The following ZNF518A variants were observed in gnomAD, a reference collection of about 807,000 sequenced individuals.
ZNF518A encodes zinc finger protein 518.
A neutral mutation model predicts 102.7 loss-of-function variants in ZNF518A; 47 were observed. That is an observed-to-expected ratio of 0.46 (90% CI 0.36 to 0.58). The LOEUF (loss-of-function observed/expected upper bound fraction) is 0.58, where lower values mean the gene tolerates loss of function less well. Ranked by LOEUF, ZNF518A falls within the 20% of genes least tolerant of loss-of-function variation. ZNF518A has a pLI of 0.00. For synonymous variants in ZNF518A, 652 were observed against 594.6 expected, an observed-to-expected ratio of 1.10 and a Z score of -1.40; for missense variants, 1,793 against 1,699.8, an observed-to-expected ratio of 1.05 and a Z score of -0.96.
intron 1 of ZNF518A, among the ~76,000 whole-genome samples, chr10:96,187,492 C>A (rs1405910591): frequency 2.6e-5 from 4 of 152,208 alleles, no homozygotes; most frequent in Admixed American, 2.6e-4. Flanking sequence ...AAGACTATCC[C>A]AGCTACTACA....
intron 1 of ZNF518A, among the ~76,000 whole-genome samples, chr10:96,175,341 C>T (rs781852920): frequency 6.6e-6 from 1 of 152,224 alleles, no homozygotes; most frequent in African/African-American, 2.4e-5. Flanking sequence ...CCTTACATAC[C>T]CACAGGATGG....
chr10:96,191,022 T>C (rs925237803), intron 1 of ZNF518A, among the ~76,000 whole-genome samples: 1 of 152,160 alleles, frequency 6.6e-6, no homozygotes, highest in Non-Finnish European at 1.5e-5. Flanking sequence ...GGGAGGGACC[T>C]GGTGGGAGGT....
At chr10:96,180,147 TG>T (rs1221327305) in intron 1 of ZNF518A, among the ~76,000 whole-genome samples, 1 of 149,422 alleles carries the variant, frequency 6.7e-6, no homozygotes, top group Non-Finnish European at 1.5e-5. Context: ...CCCAAAATGC[TG>T]GGGTTACAGG....
intron 3 of ZNF518A, among the ~76,000 whole-genome samples, chr10:96,143,763 C>A (rs898929405): frequency 6.6e-6 from 1 of 152,122 alleles, no homozygotes; most frequent in Non-Finnish European, 1.5e-5. Context: ...CTTAGGAGAG[C>A]TGATGATTTT....
At chr10:96,188,901 A>C (rs1306719264) in intron 1 of ZNF518A, among the ~76,000 whole-genome samples, 2 of 152,126 alleles carry the variant, frequency 1.3e-5, no homozygotes, top group Non-Finnish European at 2.9e-5. Flanking sequence ...GCTCCCTCTA[A>C]AACCCGGAGG....
At chr10:96,187,448 G>A (rs781810273) in intron 1 of ZNF518A, among the ~76,000 whole-genome samples, 7 of 152,104 alleles carry the variant, frequency 4.6e-5, no homozygotes, top group African/African-American at 9.7e-5. Context: ...GCCTCACATC[G>A]CTGAATTCTG....
In ZNF518A at chr10:96,148,761, G is replaced by C. The variant is rs990045168; in HGVS notation, c.-301-6565G>C. 2.4e-4 allele frequency among the ~76,000 whole-genome samples: 36 copies of C among 152,210 alleles called. 1 individual carries two copies. Among genetic ancestry groups the C allele is most frequent in the Non-Finnish European group, 2.9e-5 (2 of 68,026 alleles). ...GACGGAGTCTCGCCCTGTCGCCCAGGCTGGAGTGCAGTGGCATGGTCTCGG... is the reference window on the plus strand; with the variant it reads ...GACGGAGTCTCGCCCTGTCGCCCAGCCTGGAGTGCAGTGGCATGGTCTCGG... On this transcript the variant is annotated intron_variant, in intron 3 of 5. Coordinates refer to ENST00000316045, the MANE Select transcript of ZNF518A (RefSeq NM_001330736.2).
chr10:96,177,577 TGGA>T (rs2083213120), intron 1 of ZNF518A, among the ~76,000 whole-genome samples: 1 of 152,000 alleles, frequency 6.6e-6, no homozygotes, highest in African/African-American at 2.4e-5. Flanking sequence ...GAAGGGGAAA[TGGA>T]GGAGTACTGT....
chr10:96,160,085 T>C lies in ZNF518A; in HGVS notation c.3763T>C (p.Phe1255Leu). Reference sequence around the variant, plus strand: ...TAGAAAAAAGACTTCCAAAAAAATTTTTTCAAAAACAAAAACTCATGGAAG... The same window carrying C: ...TAGAAAAAAGACTTCCAAAAAAATTCTTTCAAAAACAAAAACTCATGGAAG... The part of the protein sequence containing the change: ...FNRKKTSKKI[F>L]SKTKTHGSKD... The change falls in exon 6 of 6, where the codon TTT becomes CTT. Residue 1255 changes from phenylalanine (F) to leucine (L), a missense_variant. By Grantham distance (22) the Phe-to-Leu change is conservative. Transcript: ENST00000316045. 1.2e-6 allele frequency: 2 copies of C among 1,608,324 alleles called. No individual in the cohort carries two copies. The highest frequency in any genetic ancestry group is 1.7e-6 in the Non-Finnish European group (2 of 1,178,588).
chr10:96,159,652 G>A lies in ZNF518A; in HGVS notation c.3330G>A (p.Val1110=), dbSNP rs367570178. 3.0e-4 allele frequency: 489 copies of A among 1,613,506 alleles called. 1 individual carries two copies. Among genetic ancestry groups the A allele is most frequent in the Non-Finnish European group, 3.9e-4 (464 of 1,179,794 alleles). Residue 1110 remains valine (V), a synonymous_variant, in exon 6 of 6, where the codon GTG becomes GTA. Transcript: ENST00000316045. ...DGKQAVFLKC[V]MPNKTELLKP... ...AACAAGCTGTTTTTTTAAAGTGTGT[G>A]ATGCCAAATAAAACTGAGCTGCTTA...
chr10:96,169,484 G>A (rs1554890694), intron 1 of ZNF518A, among the ~76,000 whole-genome samples: 1 of 152,052 alleles, frequency 6.6e-6, no homozygotes, highest in East Asian at 1.9e-4. Flanking sequence ...CAGTTACTGT[G>A]CTTTTCAACT....
chr10:96,164,446 C>T (rs1564796725), downstream of ZNF518A, among the ~76,000 whole-genome samples: 1 of 146,850 alleles, frequency 6.8e-6, no homozygotes, highest in Non-Finnish European at 1.5e-5. Context: ...TGCTAGTTAG[C>T]AGAGTATGGC....
At chr10:96,154,638 ATTC>A (rs373694317) in intron 3 of ZNF518A, among the ~76,000 whole-genome samples, 530 of 152,146 alleles carry the variant, frequency 3.5e-3, no homozygotes, top group South Asian at 9.3e-3. Flanking sequence ...CCATCAGATA[ATTC>A]TTCTCAGCCT....
At chr10:96,166,584 C>T (rs782287761), downstream of ZNF518A, among the ~76,000 whole-genome samples, 16 of 151,994 alleles carry the variant, frequency 1.1e-4, no homozygotes, top group Non-Finnish European at 2.1e-4. Context: ...CTGGCTAACA[C>T]GGTGAAACTG....
downstream of ZNF518A, among the ~76,000 whole-genome samples, chr10:96,168,625 G>A (rs1219309744): frequency 1.3e-5 from 2 of 151,880 alleles, no homozygotes; most frequent in African/African-American, 4.8e-5. Context: ...AGAATTTTTG[G>A]TTGACAGTTT....
At chr10:96,150,629 ACAGT>A (rs1262637993) in intron 3 of ZNF518A, among the ~76,000 whole-genome samples, 1 of 148,408 alleles carries the variant, frequency 6.7e-6, no homozygotes, top group Non-Finnish European at 1.5e-5. Flanking sequence ...CTCTTTTATG[ACAGT>A]CAGTATGCTC....
At chr10:96,134,231 G>C (rs1197970604) in intron 3 of ZNF518A, among the ~76,000 whole-genome samples, 5 of 151,976 alleles carry the variant, frequency 3.3e-5, no homozygotes, top group African/African-American at 1.2e-4. Flanking sequence ...TTTTTGTTTT[G>C]TTTTGTTTTG....
chr10:96,191,108 A>C (rs1181485042), intron 1 of ZNF518A, among the ~76,000 whole-genome samples: 1 of 152,148 alleles, frequency 6.6e-6, no homozygotes, highest in Non-Finnish European at 1.5e-5. Flanking sequence ...TGGTTTTATA[A>C]AGGGCAGTTC....
At chr10:96,134,018 A>G (rs1194483378) in intron 3 of ZNF518A, among the ~76,000 whole-genome samples, 1 of 152,156 alleles carries the variant, frequency 6.6e-6, no homozygotes, top group African/African-American at 2.4e-5. Context: ...AATGCTAAGA[A>G]TTTTCCTAAA....
Sources: allele counts gnomAD v4.1 joint callset (sites outside exome capture counted in the v4.1 genomes callset), GRCh38; gene constraint gnomAD v4.1.1; transcripts MANE v1.5; gene names NCBI Gene and HGNC (gene_info 2026-07-23, HGNC 2026-07-21).